The following CD79A variants were observed in gnomAD, a reference collection of about 807,000 sequenced individuals.
CD79A encodes B-cell antigen receptor complex-associated protein alpha chain.
A neutral mutation model predicts 27.4 loss-of-function variants in CD79A; 16 were observed. That is an observed-to-expected ratio of 0.58 (90% CI 0.40 to 0.89). The LOEUF (loss-of-function observed/expected upper bound fraction) is 0.89. Among genes scored for constraint, CD79A ranks in the 40% least tolerant of loss-of-function variants. The pLI is 0.00. For missense variants in CD79A, 237 were observed against 299.7 expected, an observed-to-expected ratio of 0.79 and a Z score of 1.55; for synonymous variants, 110 against 132.7, an observed-to-expected ratio of 0.83 and a Z score of 1.18.
In CD79A at chr19:41,881,069, C is replaced by A. The variant is rs989403882; in HGVS notation, c.*89C>A. On this transcript the variant is annotated 3_prime_UTR_variant, in exon 5 of 5. Transcript: ENST00000221972. ...TTCCCTGGGACATTCTCCTTTCAGCCCTTCTGGGGGCTTCCTTAGTCATAT... is the reference window on the plus strand; with the variant it reads ...TTCCCTGGGACATTCTCCTTTCAGCACTTCTGGGGGCTTCCTTAGTCATAT... 7 of 837,970 alleles carry A rather than the reference C, an allele frequency of 8.4e-6. No individual in the cohort carries two copies. The highest frequency in any genetic ancestry group is 6.7e-5 in the African/African-American group (4 of 59,612). 51.9% of individuals were successfully genotyped at this position (837,970 alleles called of 1,614,324 possible).
chr19:41,877,502 G>C lies in CD79A; in HGVS notation c.79+119G>C. On this transcript the variant is annotated intron_variant, in intron 1 of 4. Transcript: ENST00000221972. This position sits in a 1 kb window ranked among gnomAD's most constrained non-coding sequence, Gnocchi z 4.1. ...GGGGAAGAGGAGGCAGAGGATAGGG[G>C]ACCCAGGGAAGATGCCTATAGAAAT... 3.6e-6 allele frequency: 3 copies of C among 834,702 alleles called. No homozygotes were observed. The highest frequency in any genetic ancestry group is 1.9e-5 in the Admixed American group (1 of 51,818). The allele number at this position is 834,702 out of a possible 1,614,324, so 51.7% of individuals were successfully genotyped here.
Position 41,879,546 on chromosome 19 carries a change from A to G in CD79A, c.391A>G (p.Arg131Gly). The G allele has an allele frequency of 6.2e-7, 1 of 1,608,038 alleles. No homozygotes were observed. Among genetic ancestry groups the G allele is most frequent in the Non-Finnish European group, 8.5e-7 (1 of 1,176,980 alleles). The change falls in exon 3 of 5, where the codon AGG becomes GGG. Residue 131 changes from arginine to glycine, a missense_variant. By Grantham distance (125) the Arg-to-Gly change is moderately radical. Transcript: ENST00000221972. The surrounding 1 kb of genome is among the most constrained non-coding windows in gnomAD (Gnocchi z 5.1). ...CTACCTCCTTGCAGAGCCGCCCCCC[A>G]GGCCCTTCCTGGACATGGGGGAGGG... ...TYLRVRQPPPRPFLDMGEGTK... is the reference protein window; with the variant it reads ...TYLRVRQPPPGPFLDMGEGTK...
Position 41,879,323 on chromosome 19 carries a change from G to A in CD79A, c.379+34G>A. On this transcript the variant is annotated intron_variant, in intron 2 of 4. Coordinates refer to ENST00000221972, the MANE Select transcript of CD79A (RefSeq NM_001783.4). The surrounding 1 kb of genome is among the most constrained non-coding windows in gnomAD (Gnocchi z 5.1). ...CCCAGCCCTGGCCCCTACTCCCACTGTCCCGCTGGGGACACTCGGTTTATC... is the reference window on the plus strand; with the variant it reads ...CCCAGCCCTGGCCCCTACTCCCACTATCCCGCTGGGGACACTCGGTTTATC... The A allele has an allele frequency of 6.3e-7, 1 of 1,592,762 alleles. No homozygotes were observed. The highest frequency in any genetic ancestry group is 8.6e-7 in the Non-Finnish European group (1 of 1,167,628).
In CD79A at chr19:41,878,687, G is replaced by A. The variant is rs76983681; in HGVS notation, c.80-303G>A. On this transcript the variant is annotated intron_variant, in intron 1 of 4. Coordinates refer to ENST00000221972, the MANE Select transcript of CD79A (RefSeq NM_001783.4). The surrounding 1 kb of genome is among the most constrained non-coding windows in gnomAD (Gnocchi z 4.3). Reference sequence around the variant, plus strand: ...ATGCGGGAGGGGGGCAAGAGATGGCGCTGCAGAGGTGAGAAGGGCCTCCCA... The same window carrying A: ...ATGCGGGAGGGGGGCAAGAGATGGCACTGCAGAGGTGAGAAGGGCCTCCCA... Among the ~76,000 whole-genome samples the A allele has an allele frequency of 0.039, 6,006 of 152,108 alleles. 338 individuals are homozygous for A. The highest frequency in any genetic ancestry group is 0.22 in the East Asian group (1,124 of 5,162).
chr19:41,880,909 C>T lies in CD79A; in HGVS notation c.610C>T (p.Arg204Trp), dbSNP rs782417731. Reference protein sequence around the residue: ...DDCSMYEDISRGLQGTYQDVG... With the variant: ...DDCSMYEDISWGLQGTYQDVG... ...CTGCTCCATGTATGAGGACATCTCC[C>T]GGGGCCTCCAGGGCACCTACCAGGA... Residue 204 changes from arginine to tryptophan, a missense_variant, in exon 5 of 5, where the codon CGG becomes TGG. Arg to Trp is a moderately radical substitution (Grantham distance 101). Coordinates refer to ENST00000221972, the MANE Select transcript of CD79A (RefSeq NM_001783.4). 4 of 1,605,770 alleles carry T rather than the reference C, an allele frequency of 2.5e-6. No homozygotes were observed. Among genetic ancestry groups the T allele is most frequent in the East Asian group, 2.2e-5 (1 of 44,660 alleles).
rs979816611 is a variant in CD79A at position 41,879,357 on chromosome 19, G to A, written c.379+68G>A. ...GGGACACTCGGTTTATCTTTGAAGT[G>A]GGGATAGAGCCAGTACCTTCAATGT... On this transcript the variant is annotated intron_variant, in intron 2 of 4. Transcript: ENST00000221972. The surrounding 1 kb of genome is among the most constrained non-coding windows in gnomAD (Gnocchi z 5.1). 1 of 1,478,114 alleles carries A rather than the reference G, an allele frequency of 6.8e-7. No individual in the cohort carries two copies. Among genetic ancestry groups the A allele is most frequent in the Non-Finnish European group, 9.3e-7 (1 of 1,079,064 alleles). 91.6% of individuals were successfully genotyped at this position (1,478,114 alleles called of 1,614,324 possible).
At position 41,877,397 on chromosome 19, in the gene CD79A, G is replaced by A. The variant is rs782665303; in HGVS notation, c.79+14G>A. The A allele has an allele frequency of 2.9e-5, 46 of 1,610,690 alleles. No homozygotes were observed. Among genetic ancestry groups the A allele is most frequent in the Admixed American group, 2.0e-4 (12 of 60,016 alleles). ...CTGTCTACCTGGGTATGTGGCCAAA[G>A]GGCAGGAACTGGCGGGAGGTGGGGG... On this transcript the variant is annotated intron_variant, in intron 1 of 4. Coordinates refer to ENST00000221972, the MANE Select transcript of CD79A (RefSeq NM_001783.4). This position sits in a 1 kb window ranked among gnomAD's most constrained non-coding sequence, Gnocchi z 4.1.
chr19:41,881,126 C>T lies in CD79A; in HGVS notation c.*146C>T. 1.4e-6 allele frequency: 1 copy of T among 700,528 alleles called. No homozygotes were observed. The highest frequency in any genetic ancestry group is 1.5e-5 in the South Asian group (1 of 65,716). The allele number at this position is 700,528 out of a possible 1,614,324, so 43.4% of individuals were successfully genotyped here. The stretch of plus-strand genomic sequence containing the variant: ...AGTGGGGGGTGGGAGGGTAACCTCA[C>T]TCTTCTCCAGGCCAGGCCTCCTTGG... On this transcript the variant is annotated 3_prime_UTR_variant, in exon 5 of 5. Transcript: ENST00000221972.
In CD79A at chr19:41,877,426, C is replaced by T. The variant is rs782816922; in HGVS notation, c.79+43C>T. 2.6e-6 allele frequency: 4 copies of T among 1,523,442 alleles called. No individual in the cohort carries two copies. The highest frequency in any genetic ancestry group is 3.6e-6 in the Non-Finnish European group (4 of 1,097,466). The allele number at this position is 1,523,442 out of a possible 1,614,324, so 94.4% of individuals were successfully genotyped here. ...AGGAACTGGCGGGAGGTGGGGGAAGCTGTGGAGGCTGCAGAGAGGGCACAG... is the reference window on the plus strand; with the variant it reads ...AGGAACTGGCGGGAGGTGGGGGAAGTTGTGGAGGCTGCAGAGAGGGCACAG... On this transcript the variant is annotated intron_variant, in intron 1 of 4. Transcript: ENST00000221972. The surrounding 1 kb of genome is among the most constrained non-coding windows in gnomAD (Gnocchi z 4.1).
intron 3 of CD79A, among the ~76,000 whole-genome samples, 189 bp from the exon 4 acceptor site, chr19:41,880,481 G>GT (rs2074216660): frequency 6.7e-6 from 1 of 149,544 alleles, no homozygotes; most frequent in African/African-American, 2.5e-5. Flanking sequence ...AGGAAGGAAG[G>GT]AAGGAAGGAA....
chr19:41,880,222 T>TA lies in CD79A; in HGVS notation c.499-439dup, dbSNP rs1157078784. ...CCCTATCTCTACACACACAAAGTCT[T>TA]AAAAAAAAATTAGCCAGGCATGGTG... On this transcript the variant is annotated intron_variant, in intron 3 of 4. Transcript: ENST00000221972. Among the ~76,000 whole-genome samples the TA allele has an allele frequency of 6.0e-5, 9 of 150,720 alleles. No individual in the cohort carries two copies. In the East Asian group the frequency reaches 9.7e-4, roughly 16 times the overall value.
chr19:41,881,038 G>GGGAAGTGAGCTGAGA lies in CD79A; in HGVS notation c.*58_*59insGGAAGTGAGCTGAGA. 9.9e-7 allele frequency: 1 copy of GGGAAGTGAGCTGAGA among 1,006,744 alleles called. No homozygotes were observed. The highest frequency in any genetic ancestry group is 1.5e-6 in the Non-Finnish European group (1 of 660,688). The allele number at this position is 1,006,744 out of a possible 1,614,324, so 62.4% of individuals were successfully genotyped here. A position where few individuals can be genotyped will look rare whatever the true frequency, so the allele number is the denominator to read the frequency against. On this transcript the variant is annotated 3_prime_UTR_variant, in exon 5 of 5. Transcript: ENST00000221972. ...CTGTGCACCCAGCTCCAGTGTCTCA[G>GGGAAGTGAGCTGAGA]CTCACTTCCCTGGGACATTCTCCTT...
At position 41,877,528 on chromosome 19, in the gene CD79A, C is replaced by T. The variant is rs1007260094; in HGVS notation, c.79+145C>T. 7.1e-6 allele frequency: 5 copies of T among 707,522 alleles called. No homozygotes were observed. The highest frequency in any genetic ancestry group is 1.6e-5 in the South Asian group (1 of 60,848). 43.8% of individuals were successfully genotyped at this position (707,522 alleles called of 1,614,324 possible). ...ACCCAGGGAAGATGCCTATAGAAAT[C>T]GTATCTGTGCCAAGATGGGCCAAGG... On this transcript the variant is annotated intron_variant, in intron 1 of 4. Transcript: ENST00000221972. The surrounding 1 kb of genome is among the most constrained non-coding windows in gnomAD (Gnocchi z 4.1).
chr19:41,879,032 C>A lies in CD79A; in HGVS notation c.122C>A (p.Ser41Ter). ...CTGTGGATGCACAAGGTCCCAGCAT[C>A]ATTGATGGTGAGCCTGGGGGAAGAC... Reference protein sequence around the residue: ...QALWMHKVPASLMVSLGEDAH... With the variant: ...QALWMHKVPA The change falls in exon 2 of 5, where the codon TCA (serine) becomes TAA (stop). Residue 41 changes from serine to a stop codon, truncating the protein, a stop_gained. Coordinates refer to ENST00000221972, the MANE Select transcript of CD79A (RefSeq NM_001783.4). LOFTEE classifies it high-confidence loss of function. The surrounding 1 kb of genome is among the most constrained non-coding windows in gnomAD (Gnocchi z 5.1). 6.7e-7 allele frequency: 1 copy of A among 1,498,068 alleles called. No homozygotes were observed. The highest frequency in any genetic ancestry group is 9.0e-7 in the Non-Finnish European group (1 of 1,105,390). The allele number at this position is 1,498,068 out of a possible 1,614,324, so 92.8% of individuals were successfully genotyped here.
In CD79A at chr19:41,879,504, C is replaced by G; in HGVS notation, c.380-31C>G. The G allele has an allele frequency of 6.6e-7, 1 of 1,506,050 alleles. No homozygotes were observed. Among genetic ancestry groups the G allele is most frequent in the Non-Finnish European group, 9.1e-7 (1 of 1,093,272 alleles). 93.3% of individuals were successfully genotyped at this position (1,506,050 alleles called of 1,614,324 possible). ...GGAGGCTAGGGAGGGCAAGAGGGGC[C>G]AGGGCTCTGAGCCATACTACCTCCT... On this transcript the variant is annotated intron_variant, in intron 2 of 4. Transcript: ENST00000221972. The surrounding 1 kb of genome is among the most constrained non-coding windows in gnomAD (Gnocchi z 5.1).
Position 41,879,485 on chromosome 19 carries a change from T to A in CD79A, c.380-50T>A. On this transcript the variant is annotated intron_variant, in intron 2 of 4. Transcript: ENST00000221972. This position sits in a 1 kb window ranked among gnomAD's most constrained non-coding sequence, Gnocchi z 5.1. ...CAGGAGGTGGGCGGGGCCAGGAGGC[T>A]AGGGAGGGCAAGAGGGGCCAGGGCT... 1 of 1,408,718 alleles carries A rather than the reference T, an allele frequency of 7.1e-7. No individual in the cohort carries two copies. Among genetic ancestry groups the A allele is most frequent in the Non-Finnish European group, 9.9e-7 (1 of 1,011,398 alleles). The allele number at this position is 1,408,718 out of a possible 1,614,324, so 87.3% of individuals were successfully genotyped here.
Position 41,879,232 on chromosome 19 carries a change from G to T in CD79A, c.322G>T (p.Val108Phe). 6.2e-7 allele frequency: 1 copy of T among 1,613,662 alleles called. No individual in the cohort carries two copies. The highest frequency in any genetic ancestry group is 8.5e-7 in the Non-Finnish European group (1 of 1,179,996). ...CCATGGGGGCATATACGTGTGCCGG[G>T]TCCAGGAGGGCAACGAGTCATACCA... Reference protein sequence around the residue: ...KSHGGIYVCRVQEGNESYQQS... With the variant: ...KSHGGIYVCRFQEGNESYQQS... Residue 108 changes from valine (V) to phenylalanine (F), a missense_variant, in exon 2 of 5, where the codon GTC becomes TTC. Coordinates refer to ENST00000221972, the MANE Select transcript of CD79A (RefSeq NM_001783.4). This position sits in a 1 kb window ranked among gnomAD's most constrained non-coding sequence, Gnocchi z 5.1.
Position 41,879,002 on chromosome 19 carries a change from A to G in CD79A, c.92A>G (p.Gln31Arg), listed in dbSNP as rs2074204480. The stretch of plus-strand genomic sequence containing the variant: ...TGTCTCTCCACAGGCCCTGGGTGCC[A>G]GGCCCTGTGGATGCACAAGGTCCCA... ...LSAVYLGPGC[Q>R]ALWMHKVPAS... Residue 31 changes from glutamine to arginine, a missense_variant, in exon 2 of 5, where the codon CAG becomes CGG. Transcript: ENST00000221972. The surrounding 1 kb of genome is among the most constrained non-coding windows in gnomAD (Gnocchi z 5.1). 3 of 1,212,068 alleles carry G rather than the reference A, an allele frequency of 2.5e-6. No homozygotes were observed. In the East Asian group the frequency reaches 1.4e-4, roughly 55 times the overall value. The allele number at this position is 1,212,068 out of a possible 1,614,324, so 75.1% of individuals were successfully genotyped here. A position where few individuals can be genotyped will look rare whatever the true frequency, so the allele number is the denominator to read the frequency against.
Position 41,878,959 on chromosome 19 carries a change from T to TGC in CD79A, c.80-31_80-30insGC. ...TGGGGAAATGTGTCACCATCCCCAG[T>TGC]CCCTGACCCACCCACCCTGTCTCTC... On this transcript the variant is annotated intron_variant, in intron 1 of 4. Transcript: ENST00000221972. This position sits in a 1 kb window ranked among gnomAD's most constrained non-coding sequence, Gnocchi z 4.3. 1 of 1,247,596 alleles carries TGC rather than the reference T, an allele frequency of 8.0e-7. No individual in the cohort carries two copies. The allele number at this position is 1,247,596 out of a possible 1,614,324, so 77.3% of individuals were successfully genotyped here. A position where few individuals can be genotyped will look rare whatever the true frequency, so the allele number is the denominator to read the frequency against.
Sources: gnomAD v4.1 joint callset for allele counts (sites outside exome capture counted in the v4.1 genomes callset) on GRCh38, gnomAD v4.1.1 for gene constraint, Gnocchi (gnomAD v3.1) non-coding constraint, MANE v1.5 for transcripts, NCBI Gene and HGNC (gene_info 2026-07-23, HGNC 2026-07-21) for gene names.